Variants in PKD1L3 observed in about 807,000 individuals in gnomAD.
The protein encoded by PKD1L3 is polycystin 1 like 3, transient receptor potential channel interacting.
PKD1L3 carries 239 observed loss-of-function variants against 184.1 expected under a neutral mutation model. That is an observed-to-expected ratio of 1.30 (90% CI 1.17 to 1.45). The LOEUF is 1.45. Ranked by LOEUF, PKD1L3 falls within the 40% of genes most tolerant of loss-of-function variation. The pLI, the probability that PKD1L3 is intolerant of heterozygous loss-of-function variation, is 0.00. For synonymous variants in PKD1L3, 996 were observed against 778.8 expected, an observed-to-expected ratio of 1.28 and a Z score of -4.64; for missense variants, 2,660 against 2,067.2, an observed-to-expected ratio of 1.29 and a Z score of -5.56.
rs1170055025 is a variant in PKD1L3, at chr16:71,942,890, A to G, written c.3994T>C (p.Tyr1332His). The stretch of plus-strand genomic sequence containing the variant: ...AGAAGGATATGATTGGCCCAGGGGT[A>G]GAAATCCTGAAGAAGTTTGATTTCC... ...FSEIKLLQDF[Y>H]PWANHILLPS... is the part of the protein sequence containing the mutation. Residue 1332 changes from tyrosine to histidine, a missense_variant, in exon 24 of 30, where the codon TAC becomes CAC. By Grantham distance (83) the Tyr-to-His change is moderately conservative (BLOSUM62 2). Coordinates refer to ENST00000620267, the MANE Select transcript of PKD1L3 (RefSeq NM_181536.2). 9.0e-6 allele frequency: 14 copies of G among 1,551,666 alleles called. No homozygotes were observed. Among genetic ancestry groups the G allele is most frequent in the African/African-American group, 4.1e-5 (3 of 73,180 alleles).
In PKD1L3 at chr16:71,942,859, C is replaced by T. The variant is rs565269560; in HGVS notation, c.4025G>A (p.Ser1342Asn). ...CTTACCTCTGTAATCCCCATACAGG[C>T]TAGGAAGAAGGATATGATTGGCCCA... is the stretch of plus-strand genomic sequence containing the variant. ...YPWANHILLPSLYGDYRGKNA... is the reference protein window; with the variant it reads ...YPWANHILLPNLYGDYRGKNA... The change falls in exon 24 of 30, where the codon AGC becomes AAC. Residue 1342 changes from serine (S) to asparagine (N), a missense_variant. Transcript: ENST00000620267. 6.4e-6 allele frequency: 10 copies of T among 1,551,584 alleles called. No individual in the cohort carries two copies. The highest frequency in any genetic ancestry group is 1.7e-4 in the Middle Eastern group (1 of 5,992).
At chr16:71,940,127 T>C (rs1055331633) in intron 24 of PKD1L3, among the ~76,000 whole-genome samples, 4 of 151,624 alleles carry the variant, frequency 2.6e-5, no homozygotes, top group African/African-American at 9.7e-5. Flanking sequence ...TCAATATATA[T>C]ATAAACAACA....
intron 13 of PKD1L3, among the ~76,000 whole-genome samples, 169 bp from the exon 14 acceptor site, chr16:71,968,176 T>C (rs2039572873): frequency 6.6e-6 from 1 of 152,094 alleles, no homozygotes; most frequent in Non-Finnish European, 1.5e-5. Flanking sequence ...CCTAAGTCAC[T>C]AAAGTGGGGA....
chr16:71,958,335 C>T (rs2039128780), intron 16 of PKD1L3, among the ~76,000 whole-genome samples: 1 of 141,888 alleles, frequency 7.0e-6, no homozygotes, highest in African/African-American at 2.6e-5. Context: ...TGCAGTGAGC[C>T]GAGATCCCGC....
intron 12 of PKD1L3, among the ~76,000 whole-genome samples, chr16:71,972,077 G>C (rs1318286329): frequency 6.6e-6 from 1 of 152,100 alleles, no homozygotes; most frequent in East Asian, 1.9e-4. Context: ...TTAGCCGGGC[G>C]CAGTGGTGGG....
In PKD1L3 at chr16:71,965,805, C is replaced by T. The variant is rs1183190562; in HGVS notation, c.2465+1332G>A. Among the ~76,000 whole-genome samples the T allele has an allele frequency of 5.3e-5, 8 of 152,118 alleles. No individual in the cohort carries two copies. The East Asian group carries it at 5.8e-4, about 11-fold the overall frequency. ...CTGACCTCAAGTGATCTGCCAACCT[C>T]GGCCTCCCAAAGTGCTGGGATTACA... On this transcript the variant is annotated intron_variant, in intron 15 of 29. Coordinates refer to ENST00000620267, the MANE Select transcript of PKD1L3 (RefSeq NM_181536.2).
At position 71,977,406 on chromosome 16, in the gene PKD1L3, T is replaced by C. The variant is rs776021983; in HGVS notation, c.1589A>G (p.His530Arg). 1.3e-6 allele frequency: 2 copies of C among 1,551,522 alleles called. No individual in the cohort carries two copies. The highest frequency in any genetic ancestry group is 2.7e-5 in the African/African-American group (2 of 73,034). ...GACGTTCACTGTGATTGTAAGCTGA[T>C]GTGTGCTCATGTTGAGGCTGGTGGG... The part of the protein sequence containing the change: ...THPTSLNMST[H>R]QLTITVNVTS... Residue 530 changes from histidine to arginine, a missense_variant, in exon 11 of 30, where the codon CAT becomes CGT. Transcript: ENST00000620267.
chr16:71,990,816 G>A (rs2040561382), intron 3 of PKD1L3, among the ~76,000 whole-genome samples: 1 of 152,014 alleles, frequency 6.6e-6, no homozygotes. Flanking sequence ...CCTGGGAATG[G>A]AATCCAGAGG....
chr16:71,945,305 TACACACACACACAC>T lies in PKD1L3; in HGVS notation c.3719-1149_3719-1136del, dbSNP rs377392088. On this transcript the variant is annotated intron_variant, in intron 22 of 29. Transcript: ENST00000620267. ...ATATATATATATATATATATATATATACACACACACACACACATATATACACACACACACACATA... is the reference window on the plus strand; with the variant it reads ...ATATATATATATATATATATATATATACATATATACACACACACACACATA... Among the ~76,000 whole-genome samples the T allele has an allele frequency of 2.9e-3, 172 of 59,374 alleles. 2 individuals are homozygous for T. Among genetic ancestry groups the T allele is most frequent in the African/African-American group, 7.0e-3 (111 of 15,968 alleles). 39.0% of individuals were successfully genotyped at this position (59,374 alleles called of 152,430 possible).
At chr16:71,965,544 G>A (rs2039469219) in intron 15 of PKD1L3, among the ~76,000 whole-genome samples, 1 of 149,382 alleles carries the variant, frequency 6.7e-6, no homozygotes, top group East Asian at 2.0e-4. Flanking sequence ...CCTAAACTTG[G>A]TTTTGTGAGA....
At chr16:71,931,463 C>CTTTTTT (rs11405919) in intron 28 of PKD1L3, among the ~76,000 whole-genome samples, 7 of 115,912 alleles carry the variant, frequency 6.0e-5, no homozygotes, top group South Asian at 6.4e-4. Flanking sequence ...TTCTCCCCCA[C>CTTTTTT]TTTTTTTTTT....
At chr16:71,936,971 T>C (rs1181507777) in intron 25 of PKD1L3, among the ~76,000 whole-genome samples, 2 of 152,196 alleles carry the variant, frequency 1.3e-5, no homozygotes. Context: ...ACCAAAATTA[T>C]AGCCATAATT....
chr16:71,983,085 C>G (rs1279415839), intron 6 of PKD1L3, among the ~76,000 whole-genome samples: 2 of 152,002 alleles, frequency 1.3e-5, no homozygotes, highest in African/African-American at 4.8e-5. Context: ...GGTGAGTAGA[C>G]CAAATATCCA....
intron 16 of PKD1L3, among the ~76,000 whole-genome samples, chr16:71,959,279 G>A (rs1410338635): frequency 6.6e-6 from 1 of 151,660 alleles, no homozygotes; most frequent in Admixed American, 6.6e-5. Context: ...GCATGGTGGC[G>A]CATGTCTGTA....
chr16:71,980,261 A>G (rs1467642552), intron 7 of PKD1L3, 127 bp from the exon 8 acceptor site: 7 of 1,254,292 alleles, frequency 5.6e-6, no homozygotes, highest in South Asian at 4.7e-5. Context: ...TATTCCTTAG[A>G]GAGGACCTTG....
intron 25 of PKD1L3, among the ~76,000 whole-genome samples, chr16:71,937,019 G>A (rs890076154): frequency 5.9e-5 from 9 of 152,114 alleles, no homozygotes; most frequent in South Asian, 2.1e-4. Context: ...CAAATAAAAT[G>A]TGGCAACCTT....
intron 28 of PKD1L3, chr16:71,931,286 A>C (rs2037952776): frequency 6.6e-6 from 1 of 152,074 alleles, no homozygotes; most frequent in African/African-American, 2.4e-5. Flanking sequence ...TGGAGCTAGA[A>C]CCACAACAGA....
intron 1 of PKD1L3, among the ~76,000 whole-genome samples, chr16:71,999,202 C>T (rs930676488): frequency 4.0e-5 from 6 of 148,650 alleles, no homozygotes; most frequent in Admixed American, 6.9e-5. Context: ...ACCCGGGAGG[C>T]GGAGCTTGCA....
chr16:71,935,278 G>C (rs1351770613), intron 26 of PKD1L3, 80 bp downstream of exon 26: 2 of 1,386,530 alleles, frequency 1.4e-6, no homozygotes, highest in South Asian at 1.5e-5. Flanking sequence ...TGGTAGGGGA[G>C]TTTGAAGAAT....
Sources: allele counts gnomAD v4.1 joint callset (sites outside exome capture counted in the v4.1 genomes callset), GRCh38; gene constraint gnomAD v4.1.1; transcripts MANE v1.5; gene names NCBI Gene and HGNC (gene_info 2026-07-23, HGNC 2026-07-21).